Variants in TMC2 observed in about 807,000 individuals in gnomAD.
TMC2 encodes the protein transmembrane channel-like protein 2.
A neutral mutation model predicts 105.9 loss-of-function variants in TMC2; 102 were observed. The ratio of observed to expected loss-of-function variants is 0.96; its 90% CI spans 0.82 to 1.14. The LOEUF is 1.14. Ranked by LOEUF, TMC2 falls within the 50% of genes most tolerant of loss-of-function variation. The probability of loss-of-function intolerance (pLI) is 0.00; values close to 1 mark genes in which losing one functional copy is unlikely to be tolerated. For missense variants in TMC2, 1,093 were observed against 1,134.3 expected (o/e 0.96, Z 0.52); for synonymous variants, 402 against 422.8 (o/e 0.95, Z 0.60).
intron 2 of TMC2, among the ~76,000 whole-genome samples, chr20:2,549,534 G>A (rs893378412): frequency 5.3e-5 from 8 of 152,168 alleles, no homozygotes; most frequent in Non-Finnish European, 7.3e-5. Flanking sequence ...CTTGAGGTCA[G>A]GAGTTTGAGA....
At chr20:2,566,404 C>T (rs1349969920) in intron 4 of TMC2, among the ~76,000 whole-genome samples, 1 of 152,154 alleles carries the variant, frequency 6.6e-6, no homozygotes, top group Non-Finnish European at 1.5e-5. Context: ...ATCAGAGAAG[C>T]ATGTGGACAT....
At chr20:2,622,306 T>C (rs906620342) in intron 16 of TMC2, among the ~76,000 whole-genome samples, 2 of 152,240 alleles carry the variant, frequency 1.3e-5, no homozygotes, top group African/African-American at 4.8e-5. Context: ...CAAAATAGTA[T>C]TCCTGTTTTG....
chr20:2,571,980 T>G (rs537525376), intron 4 of TMC2, among the ~76,000 whole-genome samples, 199 bp from the exon 5 acceptor site: 148 of 152,364 alleles, frequency 9.7e-4, no homozygotes, highest in Non-Finnish European at 1.8e-3. Context: ...ATGCCTGTTA[T>G]GTACCTCGCA....
At chr20:2,590,335 C>G (rs2086260383) in intron 7 of TMC2, among the ~76,000 whole-genome samples, 2 of 152,012 alleles carry the variant, frequency 1.3e-5, no homozygotes, top group South Asian at 4.2e-4. Flanking sequence ...ATCCAGGGTA[C>G]TATAAAGGCC....
At chr20:2,619,061 T>G (rs1317440345) in intron 16 of TMC2, among the ~76,000 whole-genome samples, 2 of 152,120 alleles carry the variant, frequency 1.3e-5, no homozygotes, top group East Asian at 3.9e-4. Context: ...CAACCCTGCC[T>G]GCCAATGAGG....
intron 12 of TMC2, 120 bp from the exon 13 acceptor site, chr20:2,612,071 C>T (rs1043350569): frequency 2.0e-6 from 2 of 1,023,252 alleles, no homozygotes; most frequent in Admixed American, 2.4e-5. Context: ...GGACTCTGTC[C>T]AGGGGAGAGC....
chr20:2,606,713 C>T (rs1434611089), intron 11 of TMC2, among the ~76,000 whole-genome samples: 3 of 151,366 alleles, frequency 2.0e-5, no homozygotes, highest in Non-Finnish European at 4.4e-5. Flanking sequence ...TCTTCTTTGT[C>T]TCTCTTCAAT....
chr20:2,642,956 G>T lies in TMC2; in HGVS notation c.*1605G>T, dbSNP rs1348135867. Among the ~76,000 whole-genome samples, 1 of 152,108 alleles carries T rather than the reference G, an allele frequency of 6.6e-6. No individual in the cohort carries two copies. Among genetic ancestry groups the T allele is most frequent in the African/African-American group, 2.4e-5 (1 of 41,388 alleles). On this transcript the variant is annotated 3_prime_UTR_variant, in exon 20 of 20. Coordinates refer to ENST00000358864, the MANE Select transcript of TMC2 (RefSeq NM_080751.3). ...GGCAAAGCCCTGGCAGAGAGACGAAGATTTTTACAGCAATTTCATAAGCTG... is the reference window on the plus strand; with the variant it reads ...GGCAAAGCCCTGGCAGAGAGACGAATATTTTTACAGCAATTTCATAAGCTG...
intron 6 of TMC2, among the ~76,000 whole-genome samples, chr20:2,579,668 C>T (rs1043426166): frequency 5.9e-5 from 9 of 152,066 alleles, no homozygotes; most frequent in Admixed American, 2.0e-4. Context: ...AAGTGATCCA[C>T]CCACCTTAGC....
chr20:2,642,580 A>C lies in TMC2; in HGVS notation c.*1229A>C, dbSNP rs779924186. 8.5e-5 allele frequency among the ~76,000 whole-genome samples: 13 copies of C among 152,216 alleles called. No individual in the cohort carries two copies. The highest frequency in any genetic ancestry group is 1.5e-4 in the Non-Finnish European group (10 of 68,044). On this transcript the variant is annotated 3_prime_UTR_variant, in exon 20 of 20. Coordinates refer to ENST00000358864, the MANE Select transcript of TMC2 (RefSeq NM_080751.3). ...CGTTGTCTCTGGGGATTCTATGTTC[A>C]CTTAGTGTCATATCATGGTTCTATG...
At chr20:2,639,050 C>T (rs1280301383) in intron 19 of TMC2, among the ~76,000 whole-genome samples, 3 of 152,124 alleles carry the variant, frequency 2.0e-5, no homozygotes, top group Non-Finnish European at 2.9e-5. Context: ...TGCCCACCAC[C>T]ATGCCTGGCT....
intron 14 of TMC2, among the ~76,000 whole-genome samples, chr20:2,615,397 C>A (rs80315861): frequency 0.04 from 6,142 of 152,260 alleles, 416 homozygotes; most frequent in African/African-American, 0.14. Context: ...GCATGCTGGC[C>A]CTTCCTTTGT....
chr20:2,590,367 G>A (rs999968502), intron 7 of TMC2, among the ~76,000 whole-genome samples: 2 of 152,018 alleles, frequency 1.3e-5, no homozygotes, highest in Admixed American at 6.5e-5. Flanking sequence ...TGTTTCTTAA[G>A]CTAGCTAGTG....
intron 2 of TMC2, among the ~76,000 whole-genome samples, chr20:2,554,391 C>A (rs780288172): frequency 4.6e-5 from 7 of 152,142 alleles, no homozygotes; most frequent in African/African-American, 1.7e-4. Context: ...TTTCAAAGAA[C>A]CTCTCTATGA....
chr20:2,627,231 C>T (rs1209652321), intron 17 of TMC2, among the ~76,000 whole-genome samples: 1 of 152,164 alleles, frequency 6.6e-6, no homozygotes, highest in African/African-American at 2.4e-5. Context: ...CCACCACCCT[C>T]CACCTTGGCA....
In TMC2 at chr20:2,546,155, C is replaced by G. The variant is rs564598448; in HGVS notation, c.82+8839C>G. On this transcript the variant is annotated intron_variant, in intron 2 of 19. Transcript: ENST00000358864. ...ATGAAGGTTTTGGATTTCTCCCCAC[C>G]TGACCTATTGTGGAGTTGCCATCTA... Among the ~76,000 whole-genome samples the G allele has an allele frequency of 6.0e-4, 92 of 152,294 alleles. 1 individual carries two copies. The highest frequency in any genetic ancestry group is 1.8e-3 in the African/African-American group (75 of 41,558).
intron 19 of TMC2, among the ~76,000 whole-genome samples, chr20:2,640,421 A>G (rs1364438769): frequency 6.6e-6 from 1 of 152,226 alleles, no homozygotes; most frequent in African/African-American, 2.4e-5. Context: ...CAAAATGGCT[A>G]GTGGCTCAGA....
At chr20:2,555,123 C>G (rs1310511270) in intron 2 of TMC2, among the ~76,000 whole-genome samples, 2 of 152,110 alleles carry the variant, frequency 1.3e-5, no homozygotes, top group Non-Finnish European at 2.9e-5. Flanking sequence ...CTCTGTCGCC[C>G]AGGCTGGAGT....
At chr20:2,573,091 AG>A (rs533442965) in intron 5 of TMC2, among the ~76,000 whole-genome samples, 237 of 152,152 alleles carry the variant, frequency 1.6e-3, no homozygotes, top group Non-Finnish European at 2.7e-3. Flanking sequence ...CCTCCTGAGT[AG>A]CTAGGACTAC....
Sources: allele counts gnomAD v4.1 joint callset (sites outside exome capture counted in the v4.1 genomes callset), GRCh38; gene constraint gnomAD v4.1.1; transcripts MANE v1.5; gene names NCBI Gene and HGNC (gene_info 2026-07-23, HGNC 2026-07-21).